Variants in NEGR1 observed in about 807,000 individuals in gnomAD.
NEGR1 encodes IgLON family member 4.
Under a neutral mutation model 40.9 loss-of-function variants are expected in NEGR1, and 10 were observed. The observed-to-expected ratio is 0.24, with a 90% CI of 0.15 to 0.42. NEGR1 has a LOEUF of 0.42. Ranked by LOEUF, NEGR1 falls within the 10% of genes least tolerant of loss-of-function variation. The probability of loss-of-function intolerance (pLI) is 1.00; values close to 1 mark genes in which losing one functional copy is unlikely to be tolerated. For synonymous variants in NEGR1, 185 were observed against 166.8 expected (o/e 1.11, Z -0.84); for missense variants, 352 against 438.9 (o/e 0.80, Z 1.77).
At chr1:71,963,713 T>C (rs1343625399) in intron 1 of NEGR1, among the ~76,000 whole-genome samples, 1 of 152,192 alleles carries the variant, frequency 6.6e-6, no homozygotes, top group Non-Finnish European at 1.5e-5. Flanking sequence ...TGTCTATGAT[T>C]GGGTCTGGAG....
chr1:71,560,429 T>TTATATATATATATATATGTA (rs1648411315), intron 6 of NEGR1, among the ~76,000 whole-genome samples: 1 of 114,266 alleles, frequency 8.8e-6, no homozygotes, highest in Admixed American at 1.0e-4. Context: ...TAATTCTCCA[T>TTATATATATATATATATGTA]TATATATATA....
intron 1 of NEGR1, among the ~76,000 whole-genome samples, chr1:72,044,041 A>G (rs1457416299): frequency 6.6e-6 from 1 of 151,864 alleles, no homozygotes; most frequent in South Asian, 2.1e-4. Flanking sequence ...AGCCTTTATC[A>G]TCATGTGTTG....
chr1:71,523,438 G>T (rs536650543), intron 6 of NEGR1, among the ~76,000 whole-genome samples: 1 of 151,998 alleles, frequency 6.6e-6, no homozygotes, highest in South Asian at 2.1e-4. Context: ...GATGTTTGTT[G>T]AAAATACTTT....
chr1:72,225,517 A>G (rs1182457005), intron 1 of NEGR1, among the ~76,000 whole-genome samples: 2 of 151,650 alleles, frequency 1.3e-5, no homozygotes, highest in Non-Finnish European at 3.0e-5. Context: ...GACTTTATAA[A>G]TACTTACCAA....
intron 2 of NEGR1, among the ~76,000 whole-genome samples, chr1:71,838,119 A>T (rs1165769568): frequency 6.6e-6 from 1 of 152,126 alleles, no homozygotes; most frequent in Non-Finnish European, 1.5e-5. Context: ...ATGCAAACAT[A>T]GTACATAATT....
At chr1:71,568,692 T>C (rs1300382674) in intron 6 of NEGR1, among the ~76,000 whole-genome samples, 1 of 152,112 alleles carries the variant, frequency 6.6e-6, no homozygotes, top group Non-Finnish European at 1.5e-5. Context: ...TTTGTATATA[T>C]ACATATGGTG....
chr1:72,135,251 C>CTG (rs957103171), intron 1 of NEGR1, among the ~76,000 whole-genome samples: 2 of 149,992 alleles, frequency 1.3e-5, no homozygotes, highest in African/African-American at 4.9e-5. Context: ...TGGCGGGCTC[C>CTG]TGTAGTCCCA....
intron 1 of NEGR1, among the ~76,000 whole-genome samples, chr1:72,142,583 CATA>C (rs1650728443): frequency 2.0e-5 from 3 of 147,746 alleles, no homozygotes; most frequent in Admixed American, 1.4e-4. Flanking sequence ...AGTGATAGAA[CATA>C]ATATCACTAT....
intron 1 of NEGR1, among the ~76,000 whole-genome samples, chr1:72,236,136 C>A (rs2100506064): frequency 6.6e-6 from 1 of 152,178 alleles, no homozygotes; most frequent in South Asian, 2.1e-4. Context: ...TTTGCAGGAA[C>A]ATGGATGAAG....
At chr1:72,125,773 T>C (rs931334137) in intron 1 of NEGR1, among the ~76,000 whole-genome samples, 4 of 152,142 alleles carry the variant, frequency 2.6e-5, no homozygotes, top group Admixed American at 6.5e-5. Context: ...GATTTTTGAA[T>C]TGGACAGACC....
intron 4 of NEGR1, among the ~76,000 whole-genome samples, chr1:71,637,924 C>G (rs988708888): frequency 2.0e-5 from 3 of 151,894 alleles, no homozygotes; most frequent in African/African-American, 7.2e-5. Context: ...TACTATTTGC[C>G]AAAACAGCAC....
At chr1:71,834,461 C>T (rs970978948) in intron 2 of NEGR1, among the ~76,000 whole-genome samples, 1 of 151,362 alleles carries the variant, frequency 6.6e-6, no homozygotes, top group Admixed American at 6.6e-5. Context: ...CCCCCACCCC[C>T]TGCCAACCAT....
At chr1:71,954,729 A>G (rs1489996427) in intron 1 of NEGR1, among the ~76,000 whole-genome samples, 2 of 152,072 alleles carry the variant, frequency 1.3e-5, no homozygotes, top group Middle Eastern at 3.2e-3. Context: ...GAAATTGGAG[A>G]AATCAAGAAA....
chr1:72,143,916 T>TATATATATTATATATATGATATATATA (rs1650794950), intron 1 of NEGR1, among the ~76,000 whole-genome samples: 4 of 25,802 alleles, frequency 1.6e-4, no homozygotes, highest in Non-Finnish European at 3.3e-4. Context: ...ATATATATAA[T>TATATATATTATATATATGATATATATA]ATATATATAT....
At chr1:71,730,569 T>TATATA (rs1553161610) in intron 3 of NEGR1, among the ~76,000 whole-genome samples, 5 of 134,712 alleles carry the variant, frequency 3.7e-5, no homozygotes, top group Admixed American at 2.3e-4. Context: ...TAGTATAAAT[T>TATATA]TATATATATA....
At chr1:72,217,884 G>T (rs368478779) in intron 1 of NEGR1, among the ~76,000 whole-genome samples, 1 of 151,614 alleles carries the variant, frequency 6.6e-6, no homozygotes, top group Non-Finnish European at 1.5e-5. Context: ...TTTCTCTTAG[G>T]CCAGTTTAGT....
intron 1 of NEGR1, among the ~76,000 whole-genome samples, chr1:72,261,809 C>G (rs1244108048): frequency 6.6e-6 from 1 of 151,928 alleles, no homozygotes; most frequent in Non-Finnish European, 1.5e-5. Context: ...GACAGTTAAA[C>G]AATGTGTAAC....
chr1:71,427,231 T>G (rs1273710236), intron 6 of NEGR1, among the ~76,000 whole-genome samples: 5 of 152,230 alleles, frequency 3.3e-5, no homozygotes, highest in African/African-American at 1.2e-4. Flanking sequence ...TGACCCAGAC[T>G]GTAATGTGCT....
At chr1:71,423,737 A>G (rs896834166) in intron 6 of NEGR1, among the ~76,000 whole-genome samples, 1 of 152,102 alleles carries the variant, frequency 6.6e-6, no homozygotes, top group African/African-American at 2.4e-5. Flanking sequence ...TGGGCAGGGC[A>G]TATAAAGAAT....
Sources: gnomAD v4.1 joint callset for allele counts (sites outside exome capture counted in the v4.1 genomes callset) on GRCh38, gnomAD v4.1.1 for gene constraint, MANE v1.5 for transcripts, NCBI Gene and HGNC (gene_info 2026-07-23, HGNC 2026-07-21) for gene names.